The following EHBP1 variants were observed in gnomAD, a reference collection of about 807,000 sequenced individuals.
The protein encoded by EHBP1 is EH domain-binding protein 1.
EHBP1 carries 55 observed loss-of-function variants against 144.0 expected under a neutral mutation model. That is an observed-to-expected ratio of 0.38 (90% confidence interval 0.31 to 0.48). The LOEUF (loss-of-function observed/expected upper bound fraction) is 0.48, where lower values mean the gene tolerates loss of function less well. Ranked by LOEUF, EHBP1 falls within the 20% of genes least tolerant of loss-of-function variation. The pLI is 0.98. For missense variants in EHBP1, 1,200 were observed against 1,364.2 expected (o/e 0.88, Z 1.90); for synonymous variants, 469 against 472.7 (o/e 0.99, Z 0.10).
chr2:62,682,956 G>A (rs2033581836), intron 1 of EHBP1, among the ~76,000 whole-genome samples: 1 of 151,954 alleles, frequency 6.6e-6, no homozygotes, highest in Admixed American at 6.6e-5. Flanking sequence ...TATACGTTAA[G>A]CAAGAGGTAG....
At chr2:62,800,678 GT>G (rs1194665655) in intron 5 of EHBP1, among the ~76,000 whole-genome samples, 1 of 152,192 alleles carries the variant, frequency 6.6e-6, no homozygotes, top group East Asian at 1.9e-4. Context: ...ATTTGAAGGT[GT>G]TTCTCTGCAA....
intron 10 of EHBP1, among the ~76,000 whole-genome samples, chr2:62,919,835 GA>G (rs2054923492): frequency 6.6e-6 from 1 of 151,812 alleles, no homozygotes; most frequent in African/African-American, 2.4e-5. Context: ...TAAAAGAAAT[GA>G]AAAAAATTCT....
At chr2:62,790,478 A>G (rs896966326) in intron 5 of EHBP1, among the ~76,000 whole-genome samples, 1 of 152,118 alleles carries the variant, frequency 6.6e-6, no homozygotes, top group Non-Finnish European at 1.5e-5. Flanking sequence ...GCATGTTTAA[A>G]CATTAAACAT....
chr2:62,948,161 A>G, intron 12 of EHBP1, 99 bp from the exon 13 acceptor site: 2 of 1,072,716 alleles, frequency 1.9e-6, no homozygotes, highest in Non-Finnish European at 2.5e-6. Flanking sequence ...AATGTCGATA[A>G]CATGTACCCA....
At chr2:62,854,869 C>T (rs1052834936) in intron 7 of EHBP1, among the ~76,000 whole-genome samples, 12 of 152,206 alleles carry the variant, frequency 7.9e-5, no homozygotes, top group Non-Finnish European at 5.9e-5. Context: ...GCAGGAGCCC[C>T]GCCCCTTCTG....
At position 63,025,115 on chromosome 2, in the gene EHBP1, T is replaced by A. The variant is rs148383406; in HGVS notation, c.3104-12420T>A. ...AAGATTAGTTTCCATCATTTATAGATGATAAAAATGTTTTCTTTAAAATCA... is the reference window on the plus strand; with the variant it reads ...AAGATTAGTTTCCATCATTTATAGAAGATAAAAATGTTTTCTTTAAAATCA... On this transcript the variant is annotated intron_variant, in intron 19 of 22. Coordinates refer to ENST00000431489, the MANE Select transcript of EHBP1 (RefSeq NM_001142616.3). Among the ~76,000 whole-genome samples the A allele has an allele frequency of 9.8e-4, 149 of 152,366 alleles. 3 individuals carry two copies. The highest frequency in any genetic ancestry group is 4.6e-3 in the South Asian group (22 of 4,830).
intron 13 of EHBP1, 39 bp downstream of exon 13, chr2:62,949,201 T>A: frequency 6.8e-7 from 1 of 1,460,504 alleles, no homozygotes; most frequent in Non-Finnish European, 9.2e-7. Flanking sequence ...ATTTAGTAAT[T>A]AGTTATTCTC....
At chr2:62,798,731 G>A (rs971623531) in intron 5 of EHBP1, among the ~76,000 whole-genome samples, 1 of 152,006 alleles carries the variant, frequency 6.6e-6, no homozygotes, top group African/African-American at 2.4e-5. Flanking sequence ...AAGGCCGGGA[G>A]CGGTGGCTCA....
chr2:62,979,308 T>C lies in EHBP1; in HGVS notation c.2581T>C (p.Leu861=). The change falls in exon 15 of 23, where the codon TTG becomes CTG. Residue 861 remains leucine, a synonymous_variant. Coordinates refer to ENST00000431489, the MANE Select transcript of EHBP1 (RefSeq NM_001142616.3). ...PSYGEMAAEK[L]KERSKASGEQ... ...CTATGGTGAAATGGCTGCAGAAAAG[T>C]TGAAAGAAAGGTCAAAGGCATCTGG... 1 of 1,613,922 alleles carries C rather than the reference T, an allele frequency of 6.2e-7. No homozygotes were observed. Among genetic ancestry groups the C allele is most frequent in the Non-Finnish European group, 8.5e-7 (1 of 1,179,902 alleles).
rs959071568 is a variant in EHBP1 at position 62,993,739 on chromosome 2, A to G, written c.2872+71A>G. ...ATATAGATATCTATATATAGTATATATATATAGTATATATATATAGCATAT... is the reference window on the plus strand; with the variant it reads ...ATATAGATATCTATATATAGTATATGTATATAGTATATATATATAGCATAT... On this transcript the variant is annotated intron_variant, in intron 17 of 22. Coordinates refer to ENST00000431489, the MANE Select transcript of EHBP1 (RefSeq NM_001142616.3). The G allele has an allele frequency of 2.5e-5, 18 of 733,064 alleles. No individual in the cohort carries two copies. The South Asian group carries it at 7.9e-4, about 32-fold the overall frequency. 45.4% of individuals were successfully genotyped at this position (733,064 alleles called of 1,614,324 possible). A position where few individuals can be genotyped will look rare whatever the true frequency, so the allele number is the denominator to read the frequency against.
At chr2:63,029,787 A>G (rs1559090011) in intron 19 of EHBP1, among the ~76,000 whole-genome samples, 1 of 152,170 alleles carries the variant, frequency 6.6e-6, no homozygotes, top group Non-Finnish European at 1.5e-5. Context: ...GCTAGAGTGC[A>G]GTGGCGCAGT....
chr2:62,784,282 GAGAA>G (rs2042654510), intron 5 of EHBP1, among the ~76,000 whole-genome samples: 1 of 152,142 alleles, frequency 6.6e-6, no homozygotes, highest in African/African-American at 2.4e-5. Context: ...AACTGAAGAA[GAGAA>G]AGATTGAATT....
At chr2:62,914,785 C>G (rs1368073697) in intron 10 of EHBP1, among the ~76,000 whole-genome samples, 1 of 151,552 alleles carries the variant, frequency 6.6e-6, no homozygotes, top group Non-Finnish European at 1.5e-5. Flanking sequence ...TAAATGAGCC[C>G]TTAAAAATCT....
intron 7 of EHBP1, among the ~76,000 whole-genome samples, chr2:62,841,182 C>G (rs1031162551): frequency 6.6e-6 from 1 of 152,028 alleles, no homozygotes; most frequent in Non-Finnish European, 1.5e-5. Context: ...GAGTTCATGT[C>G]CTTTGTATGG....
chr2:62,743,471 C>T (rs192206183), intron 2 of EHBP1, among the ~76,000 whole-genome samples: 2 of 152,090 alleles, frequency 1.3e-5, no homozygotes, highest in Non-Finnish European at 2.9e-5. Flanking sequence ...AGATTGTGAA[C>T]TTCCAGTGGA....
At chr2:62,674,051 G>A (rs566829267) in exon 1 of EHBP1, 3 of 471,080 alleles carry the variant, frequency 6.4e-6, no homozygotes, top group Admixed American at 2.3e-5. Context: ...GAATCAAAAA[G>A]CCAAGCCAAC....
intron 10 of EHBP1, among the ~76,000 whole-genome samples, chr2:62,919,907 A>G (rs781699611): frequency 8.5e-5 from 13 of 152,224 alleles, no homozygotes; most frequent in Non-Finnish European, 1.8e-4. Flanking sequence ...TCAAAGGCAT[A>G]TTTGAGCAGG....
intron 10 of EHBP1, among the ~76,000 whole-genome samples, chr2:62,917,458 A>G (rs973703970): frequency 3.9e-5 from 6 of 152,082 alleles, no homozygotes; most frequent in African/African-American, 1.4e-4. Context: ...GTGCACACAG[A>G]TGCACATGTG....
At chr2:62,956,694 A>G (rs1481672320) in intron 14 of EHBP1, among the ~76,000 whole-genome samples, 3 of 59,838 alleles carry the variant, frequency 5.0e-5, no homozygotes, top group Non-Finnish European at 1.1e-4. Flanking sequence ...TACAGAAAAA[A>G]AAAAAAAAAA....
Sources: allele counts gnomAD v4.1 joint callset (sites outside exome capture counted in the v4.1 genomes callset), GRCh38; gene constraint gnomAD v4.1.1; transcripts MANE v1.5; gene names NCBI Gene and HGNC (gene_info 2026-07-23, HGNC 2026-07-21).